TNPO3: variants seen among roughly 807,000 people sequenced by gnomAD.
TNPO3 encodes transportin 3.
A neutral mutation model predicts 122.8 loss-of-function variants in TNPO3; 65 were observed. That is an observed-to-expected ratio of 0.53 (90% CI 0.43 to 0.65). TNPO3 has a LOEUF of 0.65. TNPO3 is among the 30% of genes least tolerant of loss of function. TNPO3 has a pLI of 0.00. For missense variants in TNPO3, 850 were observed against 1,136.7 expected (o/e 0.75, Z 3.63); for synonymous variants, 372 against 411.2 (o/e 0.90, Z 1.15).
intron 1 of TNPO3, among the ~76,000 whole-genome samples, chr7:129,046,917 A>G (rs775606469): frequency 1.3e-5 from 2 of 152,144 alleles, no homozygotes; most frequent in Non-Finnish European, 2.9e-5. Context: ...AATTACCTCT[A>G]CCTGGCCCCA....
In TNPO3 at chr7:128,966,034, T is replaced by C. The variant is rs188995924; in HGVS notation, c.2711+1246A>G. ...AACATGAATATATACTTAACCCTAC[T>C]GAACTATGCATTTATAAAAATGGTT... On this transcript the variant is annotated intron_variant, in intron 21 of 22. Transcript: ENST00000265388. 2.5e-4 allele frequency among the ~76,000 whole-genome samples: 38 copies of C among 152,348 alleles called. No individual in the cohort carries two copies. In the East Asian group the frequency reaches 6.0e-3, roughly 24 times the overall value.
At chr7:129,045,342 T>C (rs1807897485) in intron 1 of TNPO3, among the ~76,000 whole-genome samples, 1 of 151,954 alleles carries the variant, frequency 6.6e-6, no homozygotes, top group South Asian at 2.1e-4. Flanking sequence ...TTAAAAATGG[T>C]TAAAATGACT....
intron 1 of TNPO3, among the ~76,000 whole-genome samples, chr7:129,024,301 C>T (rs1209381002): frequency 6.6e-6 from 1 of 152,118 alleles, no homozygotes; most frequent in Non-Finnish European, 1.5e-5. Flanking sequence ...TCATTCCCAC[C>T]AGACTGTCAG....
At chr7:129,045,706 A>G (rs967702581) in intron 1 of TNPO3, among the ~76,000 whole-genome samples, 3 of 152,218 alleles carry the variant, frequency 2.0e-5, no homozygotes, top group African/African-American at 7.2e-5. Flanking sequence ...TACATCCTAA[A>G]TCAAACTATC....
chr7:129,053,116 G>C (rs1157577610), intron 1 of TNPO3, among the ~76,000 whole-genome samples: 1 of 152,130 alleles, frequency 6.6e-6, no homozygotes, highest in Non-Finnish European at 1.5e-5. Flanking sequence ...CCTGAGGTCG[G>C]AGTTAGAGAC....
intron 5 of TNPO3, among the ~76,000 whole-genome samples, chr7:129,002,643 G>A (rs901270716): frequency 6.6e-6 from 1 of 152,182 alleles, no homozygotes; most frequent in African/African-American, 2.4e-5. Context: ...TTCGAGCTGG[G>A]CATGGTGGCT....
upstream of TNPO3, chr7:129,055,789 A>T: frequency 2.4e-6 from 1 of 421,980 alleles, no homozygotes. Flanking sequence ...AAACAGAAAT[A>T]TTGGAAACTG....
At position 128,978,983 on chromosome 7, in the gene TNPO3, C is replaced by G; in HGVS notation, c.2061G>C (p.Gln687His). 6.2e-7 allele frequency: 1 copy of G among 1,614,064 alleles called. No homozygotes were observed. The change falls in exon 16 of 23, where the codon CAG (glutamine) becomes CAC (histidine). Residue 687 changes from glutamine to histidine, a missense_variant and splice_region_variant. Gln to His is a conservative substitution (Grantham distance 24). Transcript: ENST00000265388. ...GTCCCCCCGCAACAGATAACTTTAC[C>G]TGTGTGACTAGTGGCTGCAGCAGTG... is the stretch of plus-strand genomic sequence containing the variant. ...SAALLQPLVT[Q>H]MVNVYHVHQH... is the part of the protein sequence containing the mutation.
chr7:128,999,626 T>G (rs950964852), intron 7 of TNPO3, among the ~76,000 whole-genome samples: 29 of 151,854 alleles, frequency 1.9e-4, no homozygotes, highest in African/African-American at 6.0e-4. Flanking sequence ...TTTTTTTTTT[T>G]TTTGAGACGG....
Position 129,000,656 on chromosome 7 carries a change from T to C in TNPO3, c.873-89A>G, listed in dbSNP as rs1801843899. On this transcript the variant is annotated intron_variant, in intron 6 of 22. Coordinates refer to ENST00000265388, the MANE Select transcript of TNPO3 (RefSeq NM_012470.4). ...CACAGTTAATCAAATAAATAAAAGG[T>C]TCCTCAGTCTAAGGGACATCTAGTG... The C allele has an allele frequency of 9.1e-6, 12 of 1,315,950 alleles. 1 individual carries two copies. In the East Asian group the frequency reaches 2.8e-4, roughly 31 times the overall value. 81.5% of individuals were successfully genotyped at this position (1,315,950 alleles called of 1,614,324 possible). A position where few individuals can be genotyped will look rare whatever the true frequency, so the allele number is the denominator to read the frequency against.
intron 3 of TNPO3, 102 bp downstream of exon 3, chr7:129,016,881 G>C: frequency 1.0e-6 from 1 of 981,678 alleles, no homozygotes; most frequent in East Asian, 2.4e-5. Context: ...TATGTTAAGA[G>C]TTCAGGGAAA....
intron 11 of TNPO3, among the ~76,000 whole-genome samples, 162 bp downstream of exon 11, chr7:128,989,799 T>A (rs1168786861): frequency 6.6e-6 from 1 of 152,210 alleles, no homozygotes; most frequent in African/African-American, 2.4e-5. Flanking sequence ...ATAAATGTTA[T>A]ATCAAATAAG....
At chr7:129,034,623 C>T (rs1451477271) in intron 1 of TNPO3, among the ~76,000 whole-genome samples, 1 of 152,114 alleles carries the variant, frequency 6.6e-6, no homozygotes, top group Non-Finnish European at 1.5e-5. Context: ...GGCGCGGTGG[C>T]TCACGCCTGT....
At chr7:129,035,484 A>G (rs1182985294) in intron 1 of TNPO3, among the ~76,000 whole-genome samples, 2 of 152,136 alleles carry the variant, frequency 1.3e-5, no homozygotes, top group African/African-American at 4.8e-5. Context: ...GTGGTGGTAC[A>G]TGCTTGTAAT....
chr7:128,975,034 T>G, intron 17 of TNPO3, 72 bp from the exon 18 acceptor site: 1 of 1,156,534 alleles, frequency 8.6e-7, no homozygotes, highest in Non-Finnish European at 1.3e-6. Context: ...TGCCAAATAT[T>G]TATTACAATA....
At chr7:128,956,522 C>T (rs541128193) in intron 22 of TNPO3, among the ~76,000 whole-genome samples, 1 of 152,314 alleles carries the variant, frequency 6.6e-6, no homozygotes, top group South Asian at 2.1e-4. Context: ...GCATCCCTAA[C>T]AGCTGAAACT....
At chr7:129,003,367 C>T (rs1802216690) in intron 5 of TNPO3, among the ~76,000 whole-genome samples, 1 of 129,000 alleles carries the variant, frequency 7.8e-6, no homozygotes, top group African/African-American at 3.0e-5. Context: ...TCCAAACATA[C>T]AGCAAAATAA....
chr7:128,980,422 A>C (rs759756377), intron 14 of TNPO3, among the ~76,000 whole-genome samples: 11 of 152,160 alleles, frequency 7.2e-5, no homozygotes, highest in Non-Finnish European at 1.6e-4. Flanking sequence ...AGCCTGACCA[A>C]TATGGTGAAA....
At chr7:128,983,372 A>G (rs1799826310) in intron 13 of TNPO3, among the ~76,000 whole-genome samples, 1 of 151,906 alleles carries the variant, frequency 6.6e-6, no homozygotes, top group South Asian at 2.1e-4. Flanking sequence ...ACACCTGGCT[A>G]ATTTTTTGTA....
Sources: allele counts gnomAD v4.1 joint callset (sites outside exome capture counted in the v4.1 genomes callset), GRCh38; gene constraint gnomAD v4.1.1; transcripts MANE v1.5; gene names NCBI Gene and HGNC (gene_info 2026-07-23, HGNC 2026-07-21).